SDK1: variants seen among roughly 807,000 people sequenced by gnomAD.
The protein encoded by SDK1 is sidekick cell adhesion molecule 1, also known as protein sidekick-1.
A neutral mutation model predicts 245.5 loss-of-function variants in SDK1; 157 were observed. The observed-to-expected ratio is 0.64, with a 90% CI of 0.56 to 0.73. The LOEUF is 0.73. Among genes scored for constraint, SDK1 ranks in the 30% least tolerant of loss-of-function variants. The pLI is 0.00. For synonymous variants in SDK1, 1,647 were observed against 1,278.5 expected (o/e 1.29, Z -6.15); for missense variants, 3,583 against 3,002.3 (o/e 1.19, Z -4.52).
intron 1 of SDK1, among the ~76,000 whole-genome samples, chr7:3,318,432 G>T (rs1421625329): frequency 6.6e-6 from 1 of 152,196 alleles, no homozygotes; most frequent in Non-Finnish European, 1.5e-5. Flanking sequence ...AGGATTAGAG[G>T]AGATAATGTA....
chr7:3,827,035 C>T lies in SDK1; in HGVS notation c.847+5452C>T, dbSNP rs547310812. On this transcript the variant is annotated intron_variant, in intron 5 of 44. Coordinates refer to ENST00000404826, the MANE Select transcript of SDK1 (RefSeq NM_152744.4). ...TCCTTCACCATATCCCCATCTCTTT[C>T]CATCCCAAGGTGTCCCCTTTTCCCC... Among the ~76,000 whole-genome samples the T allele has an allele frequency of 7.2e-5, 11 of 152,288 alleles. No homozygotes were observed. In the South Asian group the frequency reaches 2.3e-3, roughly 32 times the overall value.
intron 22 of SDK1, among the ~76,000 whole-genome samples, chr7:4,099,066 C>G (rs190783678): frequency 2.6e-5 from 4 of 151,834 alleles, no homozygotes; most frequent in Admixed American, 2.6e-4. Context: ...AATGAGTGAG[C>G]AGGGTCAGCC....
intron 1 of SDK1, among the ~76,000 whole-genome samples, chr7:3,481,153 T>TA (rs146598794): frequency 0.17 from 25,628 of 152,202 alleles, 2,465 homozygotes; most frequent in African/African-American, 0.26. Context: ...CTATTTTACT[T>TA]AAAAAATTTT....
chr7:3,868,818 G>T (rs182842034), intron 5 of SDK1, among the ~76,000 whole-genome samples: 158 of 152,250 alleles, frequency 1.0e-3, no homozygotes, highest in Admixed American at 2.5e-3. Flanking sequence ...ATAAAAAGGG[G>T]TTTCATTGGC....
chr7:3,492,230 G>T (rs906330514), intron 1 of SDK1, among the ~76,000 whole-genome samples: 1 of 152,204 alleles, frequency 6.6e-6, no homozygotes, highest in Non-Finnish European at 1.5e-5. Flanking sequence ...AAATTGTTAT[G>T]TGCTAGGGGA....
At position 4,268,515 on chromosome 7, in the gene SDK1, G is replaced by C; in HGVS notation, c.*3131G>C. ...AGGGGCCCCAGGGAGAGGGGACCCAGATGGCCACACACGGAACGCGCCTCC... is the reference window on the plus strand; with the variant it reads ...AGGGGCCCCAGGGAGAGGGGACCCACATGGCCACACACGGAACGCGCCTCC... On this transcript the variant is annotated 3_prime_UTR_variant, in exon 45 of 45. Transcript: ENST00000404826. The C allele has an allele frequency of 1.7e-6, 2 of 1,210,114 alleles. No individual in the cohort carries two copies. The highest frequency in any genetic ancestry group is 1.5e-5 in the South Asian group (1 of 66,472). The allele number at this position is 1,210,114 out of a possible 1,614,324, so 75.0% of individuals were successfully genotyped here. A position where few individuals can be genotyped will look rare whatever the true frequency, so the allele number is the denominator to read the frequency against.
chr7:4,154,634 C>T (rs985522787), intron 30 of SDK1, among the ~76,000 whole-genome samples: 1 of 152,138 alleles, frequency 6.6e-6, no homozygotes, highest in Non-Finnish European at 1.5e-5. Flanking sequence ...CCACCCGACT[C>T]CATGAGGATG....
chr7:4,151,383 C>T (rs1164683390), intron 30 of SDK1, among the ~76,000 whole-genome samples: 1 of 152,236 alleles, frequency 6.6e-6, no homozygotes, highest in African/African-American at 2.4e-5. Context: ...GGCTTGTTTC[C>T]AGCAAGGCCA....
chr7:3,384,604 G>T (rs1781565112), intron 1 of SDK1, among the ~76,000 whole-genome samples: 1 of 152,152 alleles, frequency 6.6e-6, no homozygotes, highest in Non-Finnish European at 1.5e-5. Flanking sequence ...AACATCGAAG[G>T]ACTTCGCTGA....
chr7:4,235,374 G>A (rs1045025475), intron 41 of SDK1, among the ~76,000 whole-genome samples: 10 of 152,184 alleles, frequency 6.6e-5, no homozygotes, highest in Non-Finnish European at 1.2e-4. Flanking sequence ...CTGTTGGCCA[G>A]GCTGGTCTCG....
chr7:3,464,702 A>G (rs899324493), intron 1 of SDK1, among the ~76,000 whole-genome samples: 12 of 151,252 alleles, frequency 7.9e-5, no homozygotes, highest in Non-Finnish European at 1.5e-4. Context: ...ATGTATGTAT[A>G]TATATATATA....
At chr7:4,100,299 A>G (rs1782449954) in intron 22 of SDK1, among the ~76,000 whole-genome samples, 1 of 152,170 alleles carries the variant, frequency 6.6e-6, no homozygotes, top group Non-Finnish European at 1.5e-5. Flanking sequence ...TGGGGGGCAG[A>G]CATGGCCTCC....
At chr7:3,546,266 C>T (rs1195197228) in intron 1 of SDK1, among the ~76,000 whole-genome samples, 1 of 151,950 alleles carries the variant, frequency 6.6e-6, no homozygotes, top group East Asian at 1.9e-4. Context: ...CAGGAAAGGG[C>T]ACTGGAAACA....
At position 3,474,372 on chromosome 7, in the gene SDK1, G is replaced by A. The variant is rs1032020090; in HGVS notation, c.299-144708G>A. Among the ~76,000 whole-genome samples the A allele has an allele frequency of 2.2e-4, 33 of 152,028 alleles. No individual in the cohort carries two copies. In the East Asian group the frequency reaches 5.8e-3, roughly 27 times the overall value. On this transcript the variant is annotated intron_variant, in intron 1 of 44. Transcript: ENST00000404826. ...GCCTCCCAAAGTGCTGGGATTACAG[G>A]TGTGAGCTACTGTGCCCGGCCATCT...
At chr7:3,398,735 G>A (rs1371558063) in intron 1 of SDK1, among the ~76,000 whole-genome samples, 1 of 148,158 alleles carries the variant, frequency 6.7e-6, no homozygotes. Context: ...ACTTATGAAA[G>A]TGTATGGGTC....
rs376828616 is a variant in SDK1 at position 4,128,095 on chromosome 7, C to T, written c.3939+599C>T. On this transcript the variant is annotated intron_variant, in intron 26 of 44. Transcript: ENST00000404826. ...CCCTTTAAAACCCCCTTCTGTTCCT[C>T]GTTCCATCACTCGGGGCGACAGGCT... is the stretch of plus-strand genomic sequence containing the variant. Among the ~76,000 whole-genome samples, 9 of 152,300 alleles carry T rather than the reference C, an allele frequency of 5.9e-5. No homozygotes were observed. In the South Asian group the frequency reaches 6.2e-4, roughly 11 times the overall value.
At chr7:3,644,435 C>T (rs995024470) in intron 4 of SDK1, among the ~76,000 whole-genome samples, 5 of 151,476 alleles carry the variant, frequency 3.3e-5, no homozygotes, top group Admixed American at 2.6e-4. Context: ...AATGAAGGAT[C>T]AATTTTTCAT....
At chr7:3,779,287 A>G (rs1256578955) in intron 4 of SDK1, among the ~76,000 whole-genome samples, 2 of 152,142 alleles carry the variant, frequency 1.3e-5, no homozygotes, top group African/African-American at 4.8e-5. Flanking sequence ...AGAGTAGTTT[A>G]AAAATGGCCT....
Position 4,221,195 on chromosome 7 carries a change from C to T in SDK1, c.5702-44C>T, listed in dbSNP as rs372796327. 3.3e-5 allele frequency: 53 copies of T among 1,607,030 alleles called. No individual in the cohort carries two copies. The African/African-American group carries it at 5.2e-4, about 16-fold the overall frequency. On this transcript the variant is annotated intron_variant, in intron 39 of 44. Coordinates refer to ENST00000404826, the MANE Select transcript of SDK1 (RefSeq NM_152744.4). The stretch of plus-strand genomic sequence containing the variant: ...ATCTCACGGGGTGGGATGTGAGCCC[C>T]GCAGGGCTGATGCCTCACCTCTCTT...
Sources: allele counts gnomAD v4.1 joint callset (sites outside exome capture counted in the v4.1 genomes callset), GRCh38; gene constraint gnomAD v4.1.1; transcripts MANE v1.5; gene names NCBI Gene and HGNC (gene_info 2026-07-23, HGNC 2026-07-21).